Variants in RPS6KA2 observed in about 807,000 individuals in gnomAD.
RPS6KA2 encodes the protein ribosomal protein S6 kinase alpha-2.
Under a neutral mutation model 91.8 loss-of-function variants are expected in RPS6KA2, and 42 were observed. The observed-to-expected ratio is 0.46, with a 90% CI of 0.36 to 0.59. RPS6KA2 has a LOEUF of 0.59. Ranked by LOEUF, RPS6KA2 falls within the 20% of genes least tolerant of loss-of-function variation. The probability of loss-of-function intolerance (pLI) is 0.00; values close to 1 mark genes in which losing one functional copy is unlikely to be tolerated. For missense variants in RPS6KA2, 798 were observed against 978.5 expected (o/e 0.82, Z 2.46); for synonymous variants, 414 against 393.6 (o/e 1.05, Z -0.61).
intron 12 of RPS6KA2, among the ~76,000 whole-genome samples, chr6:166,454,705 C>A (rs1447312392): frequency 6.6e-6 from 1 of 151,984 alleles, no homozygotes; most frequent in Non-Finnish European, 1.5e-5. Flanking sequence ...GTCCTGCCAG[C>A]GAGACCAGGG....
intron 1 of RPS6KA2, among the ~76,000 whole-genome samples, chr6:166,602,067 G>A (rs1353775526): frequency 6.6e-6 from 1 of 152,206 alleles, no homozygotes; most frequent in Non-Finnish European, 1.5e-5. Flanking sequence ...TGTATAGATG[G>A]GGAACGCAAA....
intron 5 of RPS6KA2, among the ~76,000 whole-genome samples, chr6:166,507,883 C>G (rs1782302974): frequency 7.1e-6 from 1 of 140,984 alleles, no homozygotes; most frequent in Non-Finnish European, 1.5e-5. Flanking sequence ...ACCACGCACA[C>G]CCCCCCACAC....
chr6:166,558,661 T>C (rs997182963), intron 1 of RPS6KA2, among the ~76,000 whole-genome samples: 2 of 152,182 alleles, frequency 1.3e-5, no homozygotes, highest in African/African-American at 4.8e-5. Context: ...AATGTGCTTA[T>C]AACATCACTG....
At chr6:166,617,951 AAAG>A (rs1786479524) in intron 1 of RPS6KA2, among the ~76,000 whole-genome samples, 1 of 152,234 alleles carries the variant, frequency 6.6e-6, no homozygotes, top group Non-Finnish European at 1.5e-5. Context: ...CACACACAGC[AAAG>A]AAGTATTATG....
chr6:166,840,608 G>C (rs770678527), intron 2 of RPS6KA2, among the ~76,000 whole-genome samples: 1 of 152,198 alleles, frequency 6.6e-6, no homozygotes, highest in Non-Finnish European at 1.5e-5. Flanking sequence ...CAAAATGCCA[G>C]TGAGTTGTGT....
At chr6:166,843,817 A>C (rs1439381572) in intron 2 of RPS6KA2, among the ~76,000 whole-genome samples, 1 of 152,164 alleles carries the variant, frequency 6.6e-6, no homozygotes, top group African/African-American at 2.4e-5. Flanking sequence ...TACCCAAATG[A>C]GAAGGAACCA....
chr6:166,593,117 G>A (rs55724578), intron 1 of RPS6KA2, among the ~76,000 whole-genome samples: 4,358 of 152,300 alleles, frequency 0.029, 84 homozygotes, highest in Non-Finnish European at 0.044. Flanking sequence ...TGCAGTGTGA[G>A]CACCAAAGAA....
At chr6:166,725,023 C>T (rs761892846) in intron 2 of RPS6KA2, among the ~76,000 whole-genome samples, 2 of 152,148 alleles carry the variant, frequency 1.3e-5, no homozygotes, top group Non-Finnish European at 2.9e-5. Flanking sequence ...CTCTTCTCAC[C>T]TCATCTTCCA....
intron 2 of RPS6KA2, among the ~76,000 whole-genome samples, chr6:166,768,435 A>G (rs1050037440): frequency 5.9e-5 from 9 of 152,136 alleles, no homozygotes; most frequent in Non-Finnish European, 1.0e-4. Context: ...AGTGCCACCC[A>G]CGCTTCTGGG....
At chr6:166,670,407 G>A (rs928434177) in intron 2 of RPS6KA2, among the ~76,000 whole-genome samples, 10 of 152,182 alleles carry the variant, frequency 6.6e-5, no homozygotes, top group African/African-American at 2.4e-4. Context: ...CCACACTTCT[G>A]CCCCCACAGC....
intron 2 of RPS6KA2, among the ~76,000 whole-genome samples, chr6:166,683,977 G>A (rs915972516): frequency 6.6e-6 from 1 of 152,142 alleles, no homozygotes; most frequent in Non-Finnish European, 1.5e-5. Flanking sequence ...AGGGGCTACC[G>A]TGCAGGAGTT....
At chr6:166,845,727 A>G (rs2128631078) in intron 2 of RPS6KA2, among the ~76,000 whole-genome samples, 1 of 152,262 alleles carries the variant, frequency 6.6e-6, no homozygotes, top group African/African-American at 2.4e-5. Context: ...CTAAGGGGGA[A>G]GTTCATAGCA....
chr6:166,702,086 G>C (rs1278203386), intron 2 of RPS6KA2: 5 of 1,399,126 alleles, frequency 3.6e-6, no homozygotes, highest in Non-Finnish European at 5.1e-6. Context: ...TTCAGGAGTA[G>C]AGAGGATAGT....
chr6:166,496,218 C>A lies in RPS6KA2; in HGVS notation c.747+2290G>T, dbSNP rs573655441. On this transcript the variant is annotated intron_variant, in intron 8 of 20. Transcript: ENST00000265678. ...TGCAAAAAAAATTAGCTGGGTGTGG[C>A]GGGTGCCTGTAGTCGCAGCTACTTG... 2.0e-5 allele frequency among the ~76,000 whole-genome samples: 3 copies of A among 151,656 alleles called. No individual in the cohort carries two copies. In the East Asian group the frequency reaches 5.8e-4, roughly 29 times the overall value.
In RPS6KA2 at chr6:166,726,423, G is replaced by C. The variant is rs989680826; in HGVS notation, c.123+131777C>G. On this transcript the variant is annotated intron_variant, in intron 2 of 21. Coordinates refer to the RPS6KA2 transcript ENST00000503859. This position sits in a 1 kb window ranked among gnomAD's most constrained non-coding sequence, Gnocchi z 4.4. ...TGACACAACACTTAGCAAACTCTTA[G>C]TCACCTCCCGAGAGCCCAGACCCTG... Among the ~76,000 whole-genome samples the C allele has an allele frequency of 1.3e-5, 2 of 152,200 alleles. No homozygotes were observed. The highest frequency in any genetic ancestry group is 2.9e-5 in the Non-Finnish European group (2 of 68,044).
intron 2 of RPS6KA2, among the ~76,000 whole-genome samples, chr6:166,743,766 C>A (rs371614316): frequency 2.0e-5 from 3 of 152,132 alleles, no homozygotes; most frequent in African/African-American, 7.2e-5. Flanking sequence ...ACCAGGCCCA[C>A]GGCAGACAGG....
chr6:166,790,373 A>T (rs10455980), intron 2 of RPS6KA2, among the ~76,000 whole-genome samples: 1,629 of 152,380 alleles, frequency 0.011, 7 homozygotes, highest in Middle Eastern at 0.034. Flanking sequence ...TGAAAAGACC[A>T]AATCTACATC....
rs74500815 is a variant in RPS6KA2 at position 166,547,141 on chromosome 6, G to A, written c.100-8357C>T. 6.5e-3 allele frequency among the ~76,000 whole-genome samples: 985 copies of A among 152,184 alleles called. 10 individuals are homozygous for A. The highest frequency in any genetic ancestry group is 0.023 in the African/African-American group (953 of 41,518). On this transcript the variant is annotated intron_variant, in intron 1 of 20. Coordinates refer to ENST00000265678, the MANE Select transcript of RPS6KA2 (RefSeq NM_021135.6). ...ATCGCAAGGCTATATTGATCAGACC[G>A]TTCAGATACCCAGCAGAGGGACGCT... is the stretch of plus-strand genomic sequence containing the variant.
intron 11 of RPS6KA2, among the ~76,000 whole-genome samples, chr6:166,460,046 C>T (rs1414743749): frequency 1.3e-5 from 2 of 152,212 alleles, no homozygotes; most frequent in Admixed American, 1.3e-4. Flanking sequence ...CGACCCAGAG[C>T]CACCCCAGGG....
Sources: allele counts gnomAD v4.1 joint callset (sites outside exome capture counted in the v4.1 genomes callset), GRCh38; gene constraint gnomAD v4.1.1; non-coding constraint Gnocchi (gnomAD v3.1); transcripts MANE v1.5; gene names NCBI Gene and HGNC (gene_info 2026-07-23, HGNC 2026-07-21).